Variants in STUM observed in about 807,000 individuals in gnomAD.
STUM encodes stum, mechanosensory transduction mediator homolog.
Under a neutral mutation model 15.3 loss-of-function variants are expected in STUM, and 8 were observed. That is an observed-to-expected ratio of 0.52 (90% CI 0.31 to 0.94). STUM has a LOEUF of 0.94. Among genes scored for constraint, STUM ranks in the 40% least tolerant of loss-of-function variants. STUM has a pLI of 0.05. For missense variants in STUM, 142 were observed against 204.9 expected (o/e 0.69, Z 1.87); for synonymous variants, 78 against 88.7 (o/e 0.88, Z 0.68).
chr1:226,548,925 C>A lies in STUM; in HGVS notation c.21C>A (p.Asp7Glu). 1 of 1,438,254 alleles carries A rather than the reference C, an allele frequency of 7.0e-7. No individual in the cohort carries two copies. The allele number at this position is 1,438,254 out of a possible 1,614,324, so 89.1% of individuals were successfully genotyped here. A position where few individuals can be genotyped will look rare whatever the true frequency, so the allele number is the denominator to read the frequency against. ...CGGCCATGGAGCCCTCGCACAAAGA[C>A]GCCGAGACGGCGGCGGCGGCGGCGG... MEPSHK[D>E]AETAAAAAAV... The change falls in exon 1 of 4, where the codon GAC becomes GAA. Residue 7 changes from aspartate (D) to glutamate (E), a missense_variant. Physicochemically the swap from Asp to Glu is conservative, Grantham distance 45. Transcript: ENST00000366788.
At chr1:226,566,771 A>G (rs950376797) in intron 1 of STUM, among the ~76,000 whole-genome samples, 1 of 152,238 alleles carries the variant, frequency 6.6e-6, no homozygotes, top group African/African-American at 2.4e-5. Flanking sequence ...TGGACCTTGT[A>G]TGATCAGTAA....
intron 2 of STUM, among the ~76,000 whole-genome samples, chr1:226,598,748 C>T (rs1668221104): frequency 6.6e-6 from 1 of 152,230 alleles, no homozygotes; most frequent in South Asian, 2.1e-4. Context: ...CAGCCCCTAC[C>T]TTTGCCATGC....
chr1:226,570,195 C>T (rs746649582), intron 1 of STUM, among the ~76,000 whole-genome samples: 1 of 152,144 alleles, frequency 6.6e-6, no homozygotes, highest in Non-Finnish European at 1.5e-5. Flanking sequence ...GCAGAACAGT[C>T]AGTGAGATTT....
chr1:226,562,941 G>A (rs1667565501), intron 1 of STUM, among the ~76,000 whole-genome samples: 2 of 152,086 alleles, frequency 1.3e-5, no homozygotes, highest in South Asian at 4.1e-4. Context: ...TTGTTCTTTG[G>A]AAACACATTG....
intron 1 of STUM, among the ~76,000 whole-genome samples, chr1:226,563,768 C>T (rs1430779682): frequency 2.0e-5 from 3 of 152,234 alleles, no homozygotes; most frequent in East Asian, 1.9e-4. Flanking sequence ...TTTGCCATGC[C>T]GAGAGGGCAT....
chr1:226,562,919 A>G (rs537478156), intron 1 of STUM, among the ~76,000 whole-genome samples: 60 of 152,330 alleles, frequency 3.9e-4, no homozygotes, highest in African/African-American at 1.4e-3. Context: ...ATGAATATAT[A>G]AGAGAATATC....
intron 1 of STUM, among the ~76,000 whole-genome samples, chr1:226,582,255 A>T (rs1667930451): frequency 6.6e-6 from 1 of 152,214 alleles, no homozygotes; most frequent in South Asian, 2.1e-4. Context: ...GTTTTCTTTT[A>T]AAAAGTAGGT....
At chr1:226,559,951 G>T (rs1367581727) in intron 1 of STUM, among the ~76,000 whole-genome samples, 3 of 146,256 alleles carry the variant, frequency 2.1e-5, no homozygotes, top group Non-Finnish European at 3.0e-5. Flanking sequence ...TCCAGCCTGG[G>T]CAACAGAGCA....
intron 1 of STUM, among the ~76,000 whole-genome samples, chr1:226,572,522 G>C (rs773540017): frequency 6.6e-6 from 1 of 152,196 alleles, no homozygotes. Flanking sequence ...ACAGTTTTAC[G>C]ATGAGCAGAC....
At chr1:226,569,949 G>T (rs11577750) in intron 1 of STUM, among the ~76,000 whole-genome samples, 2 of 152,140 alleles carry the variant, frequency 1.3e-5, no homozygotes, top group Admixed American at 1.3e-4. Flanking sequence ...GTGGTTCTTA[G>T]AAATACTAAA....
chr1:226,586,538 G>A (rs1403365673), intron 1 of STUM, among the ~76,000 whole-genome samples: 1 of 152,106 alleles, frequency 6.6e-6, no homozygotes, highest in Non-Finnish European at 1.5e-5. Flanking sequence ...TATGGCAAGG[G>A]GTCAGCTCAG....
intron 1 of STUM, among the ~76,000 whole-genome samples, chr1:226,583,705 C>T (rs1667951932): frequency 6.6e-6 from 1 of 152,146 alleles, no homozygotes; most frequent in Non-Finnish European, 1.5e-5. Context: ...TGATAAACTT[C>T]TGGACTTCCT....
intron 1 of STUM, among the ~76,000 whole-genome samples, chr1:226,586,929 G>A (rs12071226): frequency 0.48 from 72,764 of 151,878 alleles, 17,599 homozygotes; most frequent in Admixed American, 0.54. Flanking sequence ...ACCCTTCCCC[G>A]TCCCATCCCC....
At chr1:226,598,447 C>G (rs1668216518) in intron 2 of STUM, among the ~76,000 whole-genome samples, 1 of 152,204 alleles carries the variant, frequency 6.6e-6, no homozygotes, top group South Asian at 2.1e-4. Context: ...GACTGTGTCA[C>G]AGGGTAGGTC....
intron 1 of STUM, among the ~76,000 whole-genome samples, chr1:226,581,380 A>G (rs1160605510): frequency 1.3e-5 from 2 of 152,232 alleles, no homozygotes; most frequent in Non-Finnish European, 2.9e-5. Context: ...ATAACAGAAT[A>G]CCACAGACTC....
Position 226,582,619 on chromosome 1 carries a change from T to G in STUM, c.203-14183T>G, listed in dbSNP as rs570691901. ...TCAAAAAAAAAAAAAAAGACATCAG[T>G]ATGTGGACCCTGAAGGGTCACCCCA... On this transcript the variant is annotated intron_variant, in intron 1 of 3. Coordinates refer to ENST00000366788, the MANE Select transcript of STUM (RefSeq NM_001003665.4). Among the ~76,000 whole-genome samples the G allele has an allele frequency of 2.4e-4, 36 of 148,964 alleles. No homozygotes were observed. In the East Asian group the frequency reaches 5.9e-3, roughly 24 times the overall value.
In STUM at chr1:226,603,023, C is replaced by T. The variant is rs554658930; in HGVS notation, c.*983C>T. 5 of 152,338 alleles carry T rather than the reference C, an allele frequency of 3.3e-5. No homozygotes were observed. In the South Asian group the frequency reaches 1.0e-3, roughly 32 times the overall value. The allele number at this position is 152,338 out of a possible 1,614,324, so 9.4% of individuals were successfully genotyped here. On this transcript the variant is annotated 3_prime_UTR_variant, in exon 4 of 4. Transcript: ENST00000366788. Reference sequence around the variant, plus strand: ...TTCTGCAGAGAAACATGTGACTAGTCCCATTAACTGGGAGCTATACAAACT... The same window carrying T: ...TTCTGCAGAGAAACATGTGACTAGTTCCATTAACTGGGAGCTATACAAACT...
chr1:226,604,323 G>T lies in STUM; in HGVS notation c.*2283G>T, dbSNP rs1304639783. 1 of 144,084 alleles carries T rather than the reference G, an allele frequency of 6.9e-6. No homozygotes were observed. Among genetic ancestry groups the T allele is most frequent in the Non-Finnish European group, 1.5e-5 (1 of 64,900 alleles). The allele number at this position is 144,084 out of a possible 1,614,324, so 8.9% of individuals were successfully genotyped here. ...CCGTGTGGGATGGTTTAATACAGGG[G>T]TTTGTGTGTTTGTGTGTGTGGAGGG... On this transcript the variant is annotated 3_prime_UTR_variant, in exon 4 of 4. Transcript: ENST00000366788. The surrounding 1 kb of genome is among the most constrained non-coding windows in gnomAD (Gnocchi z 4.7).
At chr1:226,579,833 C>T (rs946424844) in intron 1 of STUM, among the ~76,000 whole-genome samples, 6 of 152,030 alleles carry the variant, frequency 3.9e-5, no homozygotes, top group Non-Finnish European at 7.4e-5. Flanking sequence ...TGGAGCCTCC[C>T]TGTGTTGCTT....
Sources: allele counts gnomAD v4.1 joint callset (sites outside exome capture counted in the v4.1 genomes callset), GRCh38; gene constraint gnomAD v4.1.1; non-coding constraint Gnocchi (gnomAD v3.1); transcripts MANE v1.5; gene names NCBI Gene and HGNC (gene_info 2026-07-23, HGNC 2026-07-21).